LINGO2: variants seen among roughly 807,000 people sequenced by gnomAD.
LINGO2 encodes the protein leucine rich repeat and Ig domain containing 2.
Under a neutral mutation model 30.6 loss-of-function variants are expected in LINGO2, and 14 were observed. The observed-to-expected ratio is 0.46, with a 90% CI of 0.30 to 0.72. The LOEUF is 0.72. Among genes scored for constraint, LINGO2 ranks in the 30% least tolerant of loss-of-function variants. The pLI is 0.07. For synonymous variants in LINGO2, 317 were observed against 288.5 expected, an observed-to-expected ratio of 1.10 and a Z score of -1.00; for missense variants, 729 against 751.7, an observed-to-expected ratio of 0.97 and a Z score of 0.35.
intron 4 of LINGO2, among the ~76,000 whole-genome samples, chr9:28,069,443 T>C (rs1360973616): frequency 6.6e-6 from 1 of 152,120 alleles, no homozygotes; most frequent in Non-Finnish European, 1.5e-5. Context: ...TGTCTAATGT[T>C]CATAACCTAA....
At chr9:29,093,440 C>T in the LINGO2 span, among the ~76,000 whole-genome samples, 1 of 133,156 alleles carries the variant, frequency 7.5e-6, no homozygotes, top group Admixed American at 7.8e-5. Flanking sequence ...ATTTGTAAAT[C>T]ATTTTGAAAT....
intron 1 of LINGO2, among the ~76,000 whole-genome samples, chr9:28,607,871 AC>A (rs1825756526): frequency 6.6e-6 from 1 of 152,062 alleles, no homozygotes; most frequent in Non-Finnish European, 1.5e-5. Context: ...TAGGAGAAGA[AC>A]CATTCCTCAA....
the LINGO2 span, among the ~76,000 whole-genome samples, chr9:28,850,137 T>A: frequency 4.9e-3 from 739 of 152,168 alleles, 8 homozygotes; most frequent in African/African-American, 0.017. Flanking sequence ...CTGCATACAG[T>A]TACTTCTTAT....
the LINGO2 span, among the ~76,000 whole-genome samples, chr9:28,704,739 C>T: frequency 1.3e-5 from 2 of 152,042 alleles, no homozygotes; most frequent in African/African-American, 4.8e-5. Flanking sequence ...TTGAGCTCTA[C>T]AATGATGTTT....
At chr9:29,212,656 G>A in the LINGO2 span, among the ~76,000 whole-genome samples, 6 of 152,146 alleles carry the variant, frequency 3.9e-5, no homozygotes, top group African/African-American at 1.4e-4. Flanking sequence ...AATCCACGCT[G>A]TATATCAACC....
the LINGO2 span, among the ~76,000 whole-genome samples, chr9:29,178,566 T>TA: frequency 2.8e-3 from 419 of 151,748 alleles, 1 homozygote; most frequent in African/African-American, 8.9e-3. Context: ...AAAAAGACAG[T>TA]AAAAAAAATC....
chr9:29,043,448 T>C, the LINGO2 span, among the ~76,000 whole-genome samples: 1 of 152,020 alleles, frequency 6.6e-6, no homozygotes, highest in Non-Finnish European at 1.5e-5. Context: ...GCTGAGTCAG[T>C]CACTAAAATC....
At chr9:28,352,540 T>C (rs1463551506) in intron 3 of LINGO2, among the ~76,000 whole-genome samples, 1 of 135,572 alleles carries the variant, frequency 7.4e-6, no homozygotes, top group Non-Finnish European at 1.6e-5. Flanking sequence ...TGCTCATGGG[T>C]AGGAAGAATC....
At chr9:29,125,578 TC>T in the LINGO2 span, among the ~76,000 whole-genome samples, 1 of 152,146 alleles carries the variant, frequency 6.6e-6, no homozygotes, top group Non-Finnish European at 1.5e-5. Context: ...TACTGTTCAA[TC>T]TTATTGGTTT....
chr9:28,508,196 C>T (rs2135349060), intron 1 of LINGO2, among the ~76,000 whole-genome samples: 2 of 152,106 alleles, frequency 1.3e-5, no homozygotes, highest in Middle Eastern at 6.8e-3. Context: ...TAGGCTACTG[C>T]TTTGTACATT....
chr9:28,079,321 T>A (rs981807761), intron 4 of LINGO2, among the ~76,000 whole-genome samples: 9 of 152,066 alleles, frequency 5.9e-5, no homozygotes, highest in African/African-American at 2.2e-4. Flanking sequence ...AAGGTGATGA[T>A]AAAAAGCAAC....
At chr9:28,841,057 CT>C in the LINGO2 span, among the ~76,000 whole-genome samples, 17 of 151,866 alleles carry the variant, frequency 1.1e-4, no homozygotes, top group Non-Finnish European at 2.1e-4. Flanking sequence ...CTATAAAAAT[CT>C]TTTTTTCTTT....
the LINGO2 span, among the ~76,000 whole-genome samples, chr9:29,095,280 A>T: frequency 2.9e-5 from 4 of 139,058 alleles, 1 homozygote; most frequent in African/African-American, 1.1e-4. Context: ...GATAATTCCA[A>T]TAAGAGTAAA....
chr9:29,189,849 A>G, the LINGO2 span, among the ~76,000 whole-genome samples: 15 of 151,730 alleles, frequency 9.9e-5, no homozygotes, highest in Non-Finnish European at 1.9e-4. Flanking sequence ...GTCTCCACCA[A>G]AAAAATACGA....
intron 4 of LINGO2, among the ~76,000 whole-genome samples, chr9:28,101,696 A>C (rs1445817754): frequency 6.6e-6 from 1 of 152,160 alleles, no homozygotes; most frequent in Non-Finnish European, 1.5e-5. Context: ...AAACTATTGC[A>C]ACAGAAGTTT....
intron 5 of LINGO2, among the ~76,000 whole-genome samples, chr9:27,998,198 T>A (rs1423645352): frequency 1.3e-5 from 2 of 152,102 alleles, no homozygotes; most frequent in African/African-American, 4.8e-5. Context: ...AAATGGAGAA[T>A]ATGGAGAAAG....
chr9:28,408,783 A>T (rs1187843071), intron 2 of LINGO2, among the ~76,000 whole-genome samples: 2 of 78,976 alleles, frequency 2.5e-5, no homozygotes, highest in African/African-American at 6.2e-5. Flanking sequence ...ACAAAAAAAA[A>T]AAAACAAAAA....
intron 1 of LINGO2, among the ~76,000 whole-genome samples, chr9:28,611,190 CT>C (rs887483572): frequency 6.6e-6 from 1 of 152,040 alleles, no homozygotes; most frequent in African/African-American, 2.4e-5. Context: ...GGGGAAAATA[CT>C]TTTTCCAGCT....
At chr9:28,848,855 G>A in the LINGO2 span, among the ~76,000 whole-genome samples, 1 of 151,744 alleles carries the variant, frequency 6.6e-6, no homozygotes, top group African/African-American at 2.4e-5. Context: ...CTTCTATGAT[G>A]TGATTGTTTA....
Sources: gnomAD v4.1 joint callset for allele counts (sites outside exome capture counted in the v4.1 genomes callset) on GRCh38, gnomAD v4.1.1 for gene constraint, MANE v1.5 for transcripts, NCBI Gene and HGNC (gene_info 2026-07-23, HGNC 2026-07-21) for gene names.